DAB1: variants seen among roughly 807,000 people sequenced by gnomAD.
DAB1 encodes DAB adaptor protein 1, also known as disabled homolog 1.
A neutral mutation model predicts 64.6 loss-of-function variants in DAB1; 15 were observed. The ratio of observed to expected loss-of-function variants is 0.23; its 90% CI spans 0.16 to 0.36. DAB1 has a LOEUF of 0.36. DAB1 is among the 10% of genes least tolerant of loss of function. The pLI, the probability that DAB1 is intolerant of heterozygous loss-of-function variation, is 1.00. For missense variants in DAB1, 596 were observed against 706.7 expected (o/e 0.84, Z 1.78); for synonymous variants, 235 against 251.9 (o/e 0.93, Z 0.64).
At chr1:57,033,337 A>G (rs746754309) in intron 9 of DAB1, 1 of 1,576,264 alleles carries the variant, frequency 6.3e-7, no homozygotes, top group South Asian at 1.1e-5. Flanking sequence ...TATGGAATGC[A>G]TGAGTATGAG....
intron 3 of DAB1, among the ~76,000 whole-genome samples, chr1:58,469,231 T>C (rs1315833902): frequency 6.6e-6 from 1 of 152,194 alleles, no homozygotes; most frequent in African/African-American, 2.4e-5. Flanking sequence ...TGCATTTTAT[T>C]CTCATCTCAG....
intron 6 of DAB1, among the ~76,000 whole-genome samples, chr1:57,712,855 C>T (rs1477095224): frequency 6.6e-6 from 1 of 152,168 alleles, no homozygotes; most frequent in South Asian, 2.1e-4. Context: ...AAGTTATACT[C>T]CAGTATACTT....
intron 2 of DAB1, among the ~76,000 whole-genome samples, chr1:57,280,273 C>T (rs1158660003): frequency 6.6e-6 from 1 of 152,170 alleles, no homozygotes; most frequent in Non-Finnish European, 1.5e-5. Flanking sequence ...TCTTGCCTCT[C>T]CTCTGCCTTT....
At chr1:57,480,151 CAA>C (rs745322461) in intron 7 of DAB1, among the ~76,000 whole-genome samples, 17 of 100,486 alleles carry the variant, frequency 1.7e-4, no homozygotes, top group Admixed American at 4.5e-4. Flanking sequence ...AACTCCGTCT[CAA>C]AAAAAAAAAA....
chr1:58,456,965 T>TATC (rs759384517), intron 3 of DAB1, among the ~76,000 whole-genome samples: 2 of 152,162 alleles, frequency 1.3e-5, no homozygotes, highest in African/African-American at 2.4e-5. Flanking sequence ...CTATTATTAT[T>TATC]ATCTCAGAAA....
intron 5 of DAB1, among the ~76,000 whole-genome samples, chr1:58,049,837 C>A (rs917991049): frequency 6.6e-6 from 1 of 151,920 alleles, no homozygotes; most frequent in Non-Finnish European, 1.5e-5. Context: ...CACACACACA[C>A]ACAGCAGTGA....
chr1:58,238,508 C>G (rs1660149539), intron 4 of DAB1, among the ~76,000 whole-genome samples: 2 of 152,088 alleles, frequency 1.3e-5, no homozygotes, highest in Non-Finnish European at 2.9e-5. Context: ...AAGAATACTA[C>G]AAAGGAATGA....
intron 5 of DAB1, among the ~76,000 whole-genome samples, chr1:57,961,443 C>T (rs772554135): frequency 5.3e-5 from 8 of 152,140 alleles, no homozygotes; most frequent in African/African-American, 7.2e-5. Context: ...CACAGTCTCA[C>T]TCATCCACCC....
intron 6 of DAB1, among the ~76,000 whole-genome samples, chr1:57,731,687 C>A (rs998864205): frequency 3.3e-5 from 5 of 151,962 alleles, no homozygotes; most frequent in African/African-American, 1.2e-4. Flanking sequence ...TGTCTGTAAT[C>A]CCAGTTACTC....
chr1:57,800,519 A>G (rs952142493), intron 6 of DAB1, among the ~76,000 whole-genome samples: 1 of 152,228 alleles, frequency 6.6e-6, no homozygotes, highest in Non-Finnish European at 1.5e-5. Context: ...CCCAAGCACT[A>G]AAATTAAATC....
chr1:57,267,052 GATATAA>G (rs1670639347), intron 2 of DAB1, among the ~76,000 whole-genome samples: 1 of 152,108 alleles, frequency 6.6e-6, no homozygotes, highest in Admixed American at 6.6e-5. Flanking sequence ...TTTGGAAAAA[GATATAA>G]TTCTGCAGGT....
At chr1:57,271,781 G>A (rs1220361380) in intron 2 of DAB1, among the ~76,000 whole-genome samples, 1 of 152,212 alleles carries the variant, frequency 6.6e-6, no homozygotes, top group Non-Finnish European at 1.5e-5. Context: ...TACCTGTTCA[G>A]TACGTGCCTC....
At chr1:58,457,704 G>A (rs1267120306) in intron 3 of DAB1, among the ~76,000 whole-genome samples, 1 of 152,172 alleles carries the variant, frequency 6.6e-6, no homozygotes, top group African/African-American at 2.4e-5. Flanking sequence ...GTCTTGGAGT[G>A]GGGGTGAGGG....
chr1:58,135,693 T>C (rs1475536708), intron 5 of DAB1, among the ~76,000 whole-genome samples: 4 of 152,168 alleles, frequency 2.6e-5, no homozygotes, highest in African/African-American at 9.7e-5. Flanking sequence ...ATAAGGATAC[T>C]TCAGGAAATG....
At chr1:58,145,198 C>A (rs1170582801) in intron 5 of DAB1, among the ~76,000 whole-genome samples, 1 of 152,230 alleles carries the variant, frequency 6.6e-6, no homozygotes, top group Non-Finnish European at 1.5e-5. Context: ...GAGGTGCCAT[C>A]CTGCCGGAGG....
At chr1:58,472,427 A>G (rs1328655867) in intron 3 of DAB1, among the ~76,000 whole-genome samples, 1 of 152,152 alleles carries the variant, frequency 6.6e-6, no homozygotes, top group South Asian at 2.1e-4. Context: ...TATTTTTGTC[A>G]TTAGCACTTT....
intron 5 of DAB1, among the ~76,000 whole-genome samples, chr1:58,053,290 C>A (rs1350667707): frequency 6.6e-6 from 1 of 152,160 alleles, no homozygotes; most frequent in Non-Finnish European, 1.5e-5. Context: ...GTTCATTTGG[C>A]TCACAATTCT....
chr1:57,639,867 G>A (rs984025423), intron 7 of DAB1, among the ~76,000 whole-genome samples: 3 of 152,144 alleles, frequency 2.0e-5, no homozygotes, highest in Admixed American at 6.5e-5. Flanking sequence ...AGAGTCCCAC[G>A]GAAATCACAT....
chr1:57,342,372 TGA>T (rs1329007453), intron 1 of DAB1, among the ~76,000 whole-genome samples: 3 of 152,362 alleles, frequency 2.0e-5, no homozygotes, highest in African/African-American at 7.2e-5. Context: ...GCCTCTGTGC[TGA>T]GTTTCTTCAT....
Sources: allele counts gnomAD v4.1 joint callset (sites outside exome capture counted in the v4.1 genomes callset), GRCh38; gene constraint gnomAD v4.1.1; transcripts MANE v1.5; gene names NCBI Gene and HGNC (gene_info 2026-07-23, HGNC 2026-07-21).